Variants in PTPRD observed in about 807,000 individuals in gnomAD.
PTPRD encodes receptor-type tyrosine-protein phosphatase delta.
PTPRD carries 34 observed loss-of-function variants against 214.5 expected under a neutral mutation model. That is an observed-to-expected ratio of 0.16 (90% CI 0.12 to 0.21). The LOEUF (loss-of-function observed/expected upper bound fraction) is 0.21. PTPRD is among the 10% of genes least tolerant of loss of function. The pLI is 1.00. For missense variants in PTPRD, 2,545 were observed against 2,398.7 expected (o/e 1.06, Z -1.27); for synonymous variants, 1,128 against 845.7 (o/e 1.33, Z -5.79).
intron 2 of PTPRD, among the ~76,000 whole-genome samples, chr9:10,603,392 AC>A (rs919752197): frequency 6.6e-6 from 1 of 151,846 alleles, no homozygotes; most frequent in Non-Finnish European, 1.5e-5. Context: ...GTGATCATTT[AC>A]TTATGATAAC....
intron 8 of PTPRD, among the ~76,000 whole-genome samples, chr9:9,481,702 A>G (rs1170508750): frequency 6.6e-6 from 1 of 152,044 alleles, no homozygotes; most frequent in Non-Finnish European, 1.5e-5. Context: ...TAGAGCTCGC[A>G]AATGTCATAT....
At chr9:9,531,549 A>G (rs902479205) in intron 8 of PTPRD, among the ~76,000 whole-genome samples, 4 of 152,174 alleles carry the variant, frequency 2.6e-5, no homozygotes, top group African/African-American at 9.7e-5. Context: ...TTACAGAATT[A>G]TTGTAATGAT....
Position 9,888,132 on chromosome 9 carries a change from C to T in PTPRD, c.-368+50375G>A, listed in dbSNP as rs563103733. On this transcript the variant is annotated intron_variant, in intron 5 of 45. Transcript: ENST00000381196. ...TCAGTCCTAAGGGAAGATCAAATCTCTCACCAGTTCTTCACTTTCCCATCT... is the reference window on the plus strand; with the variant it reads ...TCAGTCCTAAGGGAAGATCAAATCTTTCACCAGTTCTTCACTTTCCCATCT... 2.6e-5 allele frequency among the ~76,000 whole-genome samples: 4 copies of T among 152,258 alleles called. No homozygotes were observed. The South Asian group carries it at 8.3e-4, about 32-fold the overall frequency.
intron 5 of PTPRD, among the ~76,000 whole-genome samples, chr9:9,841,001 C>A (rs900758893): frequency 6.6e-6 from 1 of 151,962 alleles, no homozygotes; most frequent in South Asian, 2.1e-4. Context: ...ATCCAAACAC[C>A]ATGCTTTAGC....
intron 5 of PTPRD, among the ~76,000 whole-genome samples, chr9:9,834,123 T>A (rs944204989): frequency 9.9e-5 from 15 of 152,066 alleles, no homozygotes; most frequent in Non-Finnish European, 2.2e-4. Context: ...CATAAGAAAT[T>A]ACAAAAGTAT....
intron 3 of PTPRD, among the ~76,000 whole-genome samples, chr9:10,235,445 A>G (rs1397416563): frequency 6.6e-6 from 1 of 152,050 alleles, no homozygotes; most frequent in South Asian, 2.1e-4. Flanking sequence ...CTAGCTGCTC[A>G]TGTCAGAAAG....
At chr9:9,951,069 C>A (rs564166092) in intron 4 of PTPRD, among the ~76,000 whole-genome samples, 5 of 152,160 alleles carry the variant, frequency 3.3e-5, no homozygotes, top group South Asian at 4.2e-4. Context: ...CATGTAAATG[C>A]GTCATAAGTA....
chr9:9,670,323 G>C (rs1354500149), intron 7 of PTPRD, among the ~76,000 whole-genome samples: 2 of 152,144 alleles, frequency 1.3e-5, no homozygotes, highest in African/African-American at 4.8e-5. Flanking sequence ...AAGCATTCAA[G>C]AGGTGACTTG....
At chr9:8,787,349 T>C (rs2154501494) in intron 11 of PTPRD, among the ~76,000 whole-genome samples, 1 of 152,280 alleles carries the variant, frequency 6.6e-6, no homozygotes, top group East Asian at 1.9e-4. Flanking sequence ...GATTATTATT[T>C]CTCTAATATT....
chr9:8,867,146 A>G (rs1454231670), intron 11 of PTPRD, among the ~76,000 whole-genome samples: 1 of 152,166 alleles, frequency 6.6e-6, no homozygotes, highest in East Asian at 1.9e-4. Context: ...CAGATGACGG[A>G]CACTCTTAAT....
chr9:9,720,073 G>C (rs755886676), intron 7 of PTPRD, among the ~76,000 whole-genome samples: 4 of 152,164 alleles, frequency 2.6e-5, no homozygotes, highest in Admixed American at 6.5e-5. Context: ...GGCTGAGTGG[G>C]TGAAACTAGC....
At position 9,208,020 on chromosome 9, in the gene PTPRD, CTTT is replaced by C. The variant is rs749709602; in HGVS notation, c.-202-24660_-202-24658del. On this transcript the variant is annotated intron_variant, in intron 9 of 45. Transcript: ENST00000381196. ...TGGTATGGCTATTCATATATATCTG[CTTT>C]TTTTTTTTTTTTTTGAGACAGAGCT... Among the ~76,000 whole-genome samples the C allele has an allele frequency of 9.4e-5, 5 of 53,270 alleles. No individual in the cohort carries two copies. The Admixed American group carries it at 1.1e-3, about 11-fold the overall frequency. 34.9% of individuals were successfully genotyped at this position (53,270 alleles called of 152,430 possible).
chr9:8,536,620 T>A (rs138890538), intron 14 of PTPRD, among the ~76,000 whole-genome samples: 229 of 152,092 alleles, frequency 1.5e-3, no homozygotes, highest in African/African-American at 5.2e-3. Context: ...GAGCTGAGAT[T>A]TAGTACTGTG....
At chr9:8,604,760 A>T (rs1183422116) in intron 14 of PTPRD, among the ~76,000 whole-genome samples, 1 of 152,222 alleles carries the variant, frequency 6.6e-6, no homozygotes, top group African/African-American at 2.4e-5. Flanking sequence ...GGAGGAAAAG[A>T]GAAATCAAGT....
intron 2 of PTPRD, among the ~76,000 whole-genome samples, chr9:10,557,007 C>A (rs1235769548): frequency 6.6e-6 from 1 of 152,014 alleles, no homozygotes; most frequent in Non-Finnish European, 1.5e-5. Context: ...GGACAACATT[C>A]CTGTATGGTT....
intron 4 of PTPRD, among the ~76,000 whole-genome samples, chr9:9,999,100 A>C (rs1213215538): frequency 6.6e-6 from 1 of 152,202 alleles, no homozygotes; most frequent in African/African-American, 2.4e-5. Context: ...GGCCAACCCC[A>C]GGAAATGAAA....
intron 4 of PTPRD, among the ~76,000 whole-genome samples, chr9:9,995,547 G>A (rs1050164033): frequency 4.6e-5 from 7 of 152,108 alleles, no homozygotes; most frequent in African/African-American, 1.7e-4. Flanking sequence ...TGTATCCTGA[G>A]ATTGCTGGGC....
intron 5 of PTPRD, among the ~76,000 whole-genome samples, chr9:9,844,790 T>G (rs2059101811): frequency 6.6e-6 from 1 of 151,662 alleles, no homozygotes; most frequent in Non-Finnish European, 1.5e-5. Context: ...ACTTAAAACT[T>G]GTTATTGAGG....
At chr9:8,903,980 G>C (rs1375407426) in intron 11 of PTPRD, among the ~76,000 whole-genome samples, 1 of 152,104 alleles carries the variant, frequency 6.6e-6, no homozygotes, top group Non-Finnish European at 1.5e-5. Context: ...CTTACATGTG[G>C]AATATATTAT....
Sources: gnomAD v4.1 joint callset for allele counts (sites outside exome capture counted in the v4.1 genomes callset) on GRCh38, gnomAD v4.1.1 for gene constraint, MANE v1.5 for transcripts, NCBI Gene and HGNC (gene_info 2026-07-23, HGNC 2026-07-21) for gene names.